Variants in EHMT1 observed in about 807,000 individuals in gnomAD.
EHMT1 encodes the protein euchromatic histone lysine methyltransferase 1.
Under a neutral mutation model 147.2 loss-of-function variants are expected in EHMT1, and 15 were observed. The ratio of observed to expected loss-of-function variants is 0.10; its 90% CI spans 0.07 to 0.16. EHMT1 has a LOEUF of 0.16. Ranked by LOEUF, EHMT1 falls within the 10% of genes least tolerant of loss-of-function variation. The probability of loss-of-function intolerance (pLI) is 1.00; values close to 1 mark genes in which losing one functional copy is unlikely to be tolerated. For synonymous variants in EHMT1, 795 were observed against 709.6 expected (o/e 1.12, Z -1.91); for missense variants, 1,587 against 1,772.4 (o/e 0.90, Z 1.88).
chr9:137,692,073 A>G (rs1048072077), intron 1 of EHMT1, among the ~76,000 whole-genome samples: 9 of 152,128 alleles, frequency 5.9e-5, no homozygotes, highest in African/African-American at 2.2e-4. Flanking sequence ...GATGTGTGTA[A>G]GAATTTGGAA....
chr9:137,821,318 CTTTTTTTTTTTTT>C (rs778919891), intron 25 of EHMT1, among the ~76,000 whole-genome samples: 6 of 63,980 alleles, frequency 9.4e-5, no homozygotes, highest in Non-Finnish European at 1.5e-4. Flanking sequence ...TGCGCCCGGC[CTTTTTTTTTTTTT>C]TTTTTTTTTT....
intron 1 of EHMT1, among the ~76,000 whole-genome samples, chr9:137,683,158 T>C (rs1227207042): frequency 1.3e-5 from 2 of 152,226 alleles, no homozygotes; most frequent in African/African-American, 2.4e-5. Context: ...ATAGACTTTA[T>C]TAAAATCATC....
intron 10 of EHMT1, chr9:137,763,047 C>A (rs1259325924): frequency 1.6e-6 from 1 of 628,654 alleles, no homozygotes; most frequent in East Asian, 2.7e-5. Flanking sequence ...TAGACAAAGT[C>A]TTTGAATGAA....
chr9:137,831,615 T>C (rs986606716), intron 25 of EHMT1, among the ~76,000 whole-genome samples: 2 of 152,256 alleles, frequency 1.3e-5, no homozygotes, highest in South Asian at 2.1e-4. Flanking sequence ...TTTTCATGCC[T>C]TGAAATCTTT....
chr9:137,741,078 G>A (rs1391848271), intron 4 of EHMT1, among the ~76,000 whole-genome samples: 7 of 151,750 alleles, frequency 4.6e-5, no homozygotes, highest in East Asian at 1.9e-4. Context: ...CCGGGTTCAC[G>A]CCATTCTCCT....
intron 16 of EHMT1, 108 bp downstream of exon 16, chr9:137,791,078 C>T: frequency 1.3e-6 from 2 of 1,569,132 alleles, no homozygotes; most frequent in Non-Finnish European, 8.8e-7. Context: ...GGCCTTCACA[C>T]ACTGACCCAG....
intron 16 of EHMT1, among the ~76,000 whole-genome samples, chr9:137,795,432 C>CACACAT (rs144483646): frequency 7.6e-6 from 1 of 131,462 alleles, no homozygotes. Flanking sequence ...CACACACTCT[C>CACACAT]ACACTCACAT....
intron 25 of EHMT1, among the ~76,000 whole-genome samples, chr9:137,831,941 C>A (rs1171385454): frequency 6.7e-6 from 1 of 150,374 alleles, no homozygotes; most frequent in South Asian, 2.1e-4. Flanking sequence ...GGCTCCGCCT[C>A]CTACGTGGCT....
At chr9:137,710,897 C>T in intron 1 of EHMT1, 70 bp from the exon 2 acceptor site, 4 of 1,524,606 alleles carry the variant, frequency 2.6e-6, no homozygotes, top group East Asian at 2.5e-5. Context: ...TGACTTTTTC[C>T]AAATGATGTC....
chr9:137,681,271 G>A lies in EHMT1; in HGVS notation c.22-29696G>A, dbSNP rs527814117. 6.6e-5 allele frequency among the ~76,000 whole-genome samples: 10 copies of A among 152,274 alleles called. No individual in the cohort carries two copies. The East Asian group carries it at 1.5e-3, about 23-fold the overall frequency. ...CTGCCACATTTTCAGTGTTTTTGCC[G>A]CGTGTCTGTAACCAGCATCTAAGTG... On this transcript the variant is annotated intron_variant, in intron 1 of 26. Coordinates refer to ENST00000460843, the MANE Select transcript of EHMT1 (RefSeq NM_024757.5).
chr9:137,641,307 A>G lies in EHMT1; in HGVS notation c.21+22258A>G. ...TTTCCGTGGACTTTGAAGATGGATC[A>G]TGACTCTCATTCAGATGAAATTCTT... On this transcript the variant is annotated intron_variant, in intron 1 of 26. Transcript: ENST00000460843. The G allele has an allele frequency of 1.5e-5, 7 of 459,146 alleles. No homozygotes were observed. In the East Asian group the frequency reaches 4.2e-4, roughly 28 times the overall value. The allele number at this position is 459,146 out of a possible 1,614,324, so 28.4% of individuals were successfully genotyped here. A position where few individuals can be genotyped will look rare whatever the true frequency, so the allele number is the denominator to read the frequency against.
intron 3 of EHMT1, among the ~76,000 whole-genome samples, chr9:137,727,506 G>A (rs1440064665): frequency 6.6e-6 from 1 of 152,190 alleles, no homozygotes; most frequent in Non-Finnish European, 1.5e-5. Flanking sequence ...TCTTTTTCAT[G>A]TGGTCATTCA....
chr9:137,683,630 C>T (rs189966029), intron 1 of EHMT1, among the ~76,000 whole-genome samples: 10 of 152,166 alleles, frequency 6.6e-5, no homozygotes, highest in East Asian at 5.8e-4. Flanking sequence ...GAAAAGTGGT[C>T]GTCTAACAGT....
chr9:137,814,340 G>T, intron 21 of EHMT1, 91 bp from the exon 22 acceptor site: 2 of 1,384,988 alleles, frequency 1.4e-6, no homozygotes, highest in Non-Finnish European at 2.0e-6. Flanking sequence ...CAGAATCAGG[G>T]TTAACAGAAC....
chr9:137,643,322 G>A (rs1421573290), intron 1 of EHMT1, among the ~76,000 whole-genome samples: 1 of 139,572 alleles, frequency 7.2e-6, no homozygotes, highest in Non-Finnish European at 1.5e-5. Flanking sequence ...TATGAAGGTA[G>A]TTTTGTGTAT....
intron 1 of EHMT1, among the ~76,000 whole-genome samples, chr9:137,653,266 A>T (rs1224302536): frequency 6.6e-6 from 1 of 152,166 alleles, no homozygotes. Context: ...ACTTACCATT[A>T]TATTCCTGTC....
chr9:137,813,446 G>A lies in EHMT1; in HGVS notation c.3096G>A (p.Glu1032=), dbSNP rs776278442. The change falls in exon 21 of 27, where the codon GAG becomes GAA. Residue 1032 remains glutamate, a synonymous_variant. Coordinates refer to ENST00000460843, the MANE Select transcript of EHMT1 (RefSeq NM_024757.5). This position sits in a 1 kb window ranked among gnomAD's most constrained non-coding sequence, Gnocchi z 4.9. ...PIPCVNAVDS[E]PCPSNYKYVS... is the part of the protein sequence containing the mutation. Reference sequence around the variant, plus strand: ...CCTGTGTCAACGCCGTGGACAGCGAGCCATGCCCCAGCAACTACAAGTACG... The same window carrying A: ...CCTGTGTCAACGCCGTGGACAGCGAACCATGCCCCAGCAACTACAAGTACG... 6.2e-7 allele frequency: 1 copy of A among 1,613,928 alleles called. No homozygotes were observed. The highest frequency in any genetic ancestry group is 8.5e-7 in the Non-Finnish European group (1 of 1,179,982).
In EHMT1 at chr9:137,832,005, C is replaced by T. The variant is rs529246029; in HGVS notation, c.3541-2344C>T. On this transcript the variant is annotated intron_variant, in intron 25 of 26. Coordinates refer to ENST00000460843, the MANE Select transcript of EHMT1 (RefSeq NM_024757.5). ...GCTGGGCTCCCTCCACAGGCTCCGC[C>T]TCCTACGTGGCCGCTGCACTTCGCC... Among the ~76,000 whole-genome samples, 122 of 150,968 alleles carry T rather than the reference C, an allele frequency of 8.1e-4. 2 individuals carry two copies. Among genetic ancestry groups the T allele is most frequent in the African/African-American group, 2.9e-3 (118 of 41,168 alleles).
chr9:137,663,013 C>T (rs1357713462), intron 1 of EHMT1, among the ~76,000 whole-genome samples: 5 of 151,624 alleles, frequency 3.3e-5, no homozygotes, highest in East Asian at 3.9e-4. Flanking sequence ...AGGCTGGTCT[C>T]GAACTCCTGA....
Sources: allele counts gnomAD v4.1 joint callset (sites outside exome capture counted in the v4.1 genomes callset), GRCh38; gene constraint gnomAD v4.1.1; non-coding constraint Gnocchi (gnomAD v3.1); transcripts MANE v1.5; gene names NCBI Gene and HGNC (gene_info 2026-07-23, HGNC 2026-07-21).